The following RER1 variants were observed in gnomAD, a reference collection of about 807,000 sequenced individuals.
RER1 encodes retention in endoplasmic reticulum sorting receptor 1, also known as protein RER1.
A neutral mutation model predicts 28.3 loss-of-function variants in RER1; 6 were observed. That is an observed-to-expected ratio of 0.21 (90% CI 0.12 to 0.42). The LOEUF (loss-of-function observed/expected upper bound fraction) is 0.42. RER1 is among the 10% of genes least tolerant of loss of function. The probability of loss-of-function intolerance (pLI) is 1.00; values close to 1 mark genes in which losing one functional copy is unlikely to be tolerated. For synonymous variants in RER1, 110 were observed against 95.9 expected (o/e 1.15, Z -0.86); for missense variants, 159 against 252.9 (o/e 0.63, Z 2.52).
In RER1 at chr1:2,402,290, T is replaced by C; in HGVS notation, c.449T>C (p.Leu150Pro). Residue 150 changes from leucine to proline, a missense_variant, in exon 6 of 7, where the codon CTG becomes CCG. Leu to Pro is a moderately conservative substitution (Grantham distance 98). Coordinates refer to ENST00000605895, the MANE Select transcript of RER1 (RefSeq NM_007033.5). ...AFNVPVFWPILVMYFIMLFCI... is the reference protein window; with the variant it reads ...AFNVPVFWPIPVMYFIMLFCI... The stretch of plus-strand genomic sequence containing the variant: ...AACGTCCCGGTGTTCTGGCCGATTC[T>C]GGTGATGTACTTCATCATGCTCTTC... The C allele has an allele frequency of 6.2e-7, 1 of 1,614,234 alleles. No individual in the cohort carries two copies. Among genetic ancestry groups the C allele is most frequent in the Non-Finnish European group, 8.5e-7 (1 of 1,180,040 alleles).
At chr1:2,396,713 G>T (rs1642773208) in intron 2 of RER1, among the ~76,000 whole-genome samples, 2 of 152,252 alleles carry the variant, frequency 1.3e-5, no homozygotes, top group Non-Finnish European at 2.9e-5. Flanking sequence ...GGCAAGGCTG[G>T]CTGCTGGCTG....
rs1288214544 is a variant in RER1, at chr1:2,395,877, TG to T, written c.81+9del. On this transcript the variant is annotated splice_region_variant and intron_variant, in intron 2 of 6. Transcript: ENST00000605895. The stretch of plus-strand genomic sequence containing the variant: ...TTTTCACAAGACTTGGACAGGTTGG[TG>T]GGTTTTTTAGTAGATGAGTATAAAT... The T allele has an allele frequency of 1.9e-6, 3 of 1,610,532 alleles. No homozygotes were observed. In the East Asian group the frequency reaches 6.7e-5, roughly 36 times the overall value.
intron 6 of RER1, 149 bp downstream of exon 6, chr1:2,402,491 G>C: frequency 9.9e-7 from 1 of 1,010,618 alleles, no homozygotes; most frequent in East Asian, 2.6e-5. Flanking sequence ...TGTGTGACGA[G>C]GACACTGCTC....
chr1:2,402,926 T>C, intron 6 of RER1, 109 bp from the exon 7 acceptor site: 3 of 856,992 alleles, frequency 3.5e-6, no homozygotes. Context: ...CGATTCCACT[T>C]GTCTGATGTA....
intron 5 of RER1, 130 bp downstream of exon 5, chr1:2,401,065 G>A: frequency 1.3e-6 from 1 of 763,720 alleles, no homozygotes; most frequent in Non-Finnish European, 2.3e-6. Context: ...GGAATCGCAG[G>A]GGCTCTCTGT....
intron 1 of RER1, chr1:2,393,975 T>G (rs970485356): frequency 2.0e-5 from 3 of 152,202 alleles, no homozygotes; most frequent in African/African-American, 7.2e-5. Flanking sequence ...TCCCTGACAT[T>G]ACTCTCATCA....
intron 1 of RER1, among the ~76,000 whole-genome samples, chr1:2,392,279 C>G (rs933975919): frequency 6.6e-6 from 1 of 152,274 alleles, no homozygotes; most frequent in East Asian, 1.9e-4. Context: ...GCATCCCCTG[C>G]TTGGCATCTG....
At position 2,396,870 on chromosome 1, in the gene RER1, A is replaced by G. The variant is rs927639105; in HGVS notation, c.82-246A>G. ...GGCCAGCACAATGTCACAGTCTCCT[A>G]GGAGATTGTTTTGTAATAGTCTTGC... is the stretch of plus-strand genomic sequence containing the variant. On this transcript the variant is annotated intron_variant, in intron 2 of 6. Transcript: ENST00000605895. 5.9e-5 allele frequency among the ~76,000 whole-genome samples: 9 copies of G among 152,362 alleles called. No individual in the cohort carries two copies. The East Asian group carries it at 1.5e-3, about 26-fold the overall frequency.
intron 3 of RER1, among the ~76,000 whole-genome samples, chr1:2,398,012 A>T (rs1209864917): frequency 6.6e-6 from 1 of 152,260 alleles, no homozygotes; most frequent in Non-Finnish European, 1.5e-5. Context: ...TTAAATTGGA[A>T]CTGGGTCCAT....
At chr1:2,401,306 G>T (rs1267376758) in intron 5 of RER1, among the ~76,000 whole-genome samples, 36 of 16,040 alleles carry the variant, frequency 2.2e-3, no homozygotes, top group African/African-American at 4.4e-3. Context: ...CCTTCCTGCC[G>T]CCTCCTCCCT....
At chr1:2,400,055 C>CT in intron 4 of RER1, among the ~76,000 whole-genome samples, 1 of 152,332 alleles carries the variant, frequency 6.6e-6, no homozygotes, top group South Asian at 2.1e-4. Flanking sequence ...TATTGGAAGA[C>CT]TTACGCAGCT....
Position 2,397,178 on chromosome 1 carries a change from G to A in RER1, c.144G>A (p.Leu48=), listed in dbSNP as rs1184634658. 6 of 1,613,972 alleles carry A rather than the reference G, an allele frequency of 3.7e-6. No individual in the cohort carries two copies. The highest frequency in any genetic ancestry group is 1.1e-5 in the South Asian group (1 of 91,088). The part of the protein sequence containing the change: ...PYTAVRWVVT[L]GLSFVYMIRV... The stretch of plus-strand genomic sequence containing the variant: ...CGGCTGTGCGATGGGTCGTGACACT[G>A]GGCCTGAGCTTTGTCTACATGATTC... The change falls in exon 3 of 7, where the codon CTG becomes CTA. Residue 48 remains leucine (L), a synonymous_variant. Coordinates refer to ENST00000605895, the MANE Select transcript of RER1 (RefSeq NM_007033.5).
Position 2,403,147 on chromosome 1 carries a change from C to A in RER1, c.*23C>A, listed in dbSNP as rs748938589. On this transcript the variant is annotated 3_prime_UTR_variant, in exon 7 of 7. Transcript: ENST00000605895. ...TAGAAGCGGGACTGAGGCTGCCTCA[C>A]GTGTTGCAAGAACAGTTTTGAGCCA... The A allele has an allele frequency of 1.9e-6, 3 of 1,587,656 alleles. No homozygotes were observed. Among genetic ancestry groups the A allele is most frequent in the Non-Finnish European group, 2.6e-6 (3 of 1,155,866 alleles).
chr1:2,402,033 C>T (rs908683083), intron 5 of RER1, 174 bp from the exon 6 acceptor site: 175 of 1,547,114 alleles, frequency 1.1e-4, no homozygotes, highest in Non-Finnish European at 1.4e-4. Context: ...CAGTACATGT[C>T]TGTGAGCTAC....
At chr1:2,399,571 T>G in intron 4 of RER1, 57 bp downstream of exon 4, 3 of 1,064,140 alleles carry the variant, frequency 2.8e-6, no homozygotes, top group Non-Finnish European at 4.4e-6. Flanking sequence ...TCTTTTCTGA[T>G]GGGATTGCCC....
chr1:2,393,527 C>A (rs1255579599), intron 1 of RER1, among the ~76,000 whole-genome samples: 1 of 152,164 alleles, frequency 6.6e-6, no homozygotes, highest in Non-Finnish European at 1.5e-5. Context: ...GATCCAGGAA[C>A]AGGGCTGGCA....
chr1:2,393,570 G>A (rs912229404), intron 1 of RER1, among the ~76,000 whole-genome samples: 1 of 152,182 alleles, frequency 6.6e-6, no homozygotes, highest in African/African-American at 2.4e-5. Context: ...TGCTCCACGG[G>A]CTGCCCACTG....
In RER1 at chr1:2,403,605, CTG is replaced by C. The variant is rs1002885483; in HGVS notation, c.*486_*487del. 5.5e-5 allele frequency: 9 copies of C among 164,844 alleles called. No individual in the cohort carries two copies. Among genetic ancestry groups the C allele is most frequent in the African/African-American group, 1.9e-4 (8 of 41,594 alleles). 10.2% of individuals were successfully genotyped at this position (164,844 alleles called of 1,614,324 possible). On this transcript the variant is annotated 3_prime_UTR_variant, in exon 7 of 7. Coordinates refer to ENST00000605895, the MANE Select transcript of RER1 (RefSeq NM_007033.5). ...CGTTTTAAAGGTGATTGTCAAGTAA[CTG>C]TGTGGGGTTCTAATGCCAGTTTCCT...
intron 3 of RER1, among the ~76,000 whole-genome samples, chr1:2,397,796 C>G (rs1390893691): frequency 6.6e-6 from 1 of 152,044 alleles, no homozygotes; most frequent in Non-Finnish European, 1.5e-5. Context: ...CCTGGGTGCT[C>G]CTTTACTTGC....
Sources: gnomAD v4.1 joint callset for allele counts (sites outside exome capture counted in the v4.1 genomes callset) on GRCh38, gnomAD v4.1.1 for gene constraint, MANE v1.5 for transcripts, NCBI Gene and HGNC (gene_info 2026-07-23, HGNC 2026-07-21) for gene names.